Variants in MTAP observed in about 807,000 individuals in gnomAD.
MTAP encodes the protein S-methyl-5'-thioadenosine phosphorylase.
A neutral mutation model predicts 33.6 loss-of-function variants in MTAP; 33 were observed. The ratio of observed to expected loss-of-function variants is 0.98; its 90% CI spans 0.74 to 1.31. The LOEUF (loss-of-function observed/expected upper bound fraction) is 1.31. Among genes scored for constraint, MTAP ranks in the 40% most tolerant of loss-of-function variants. The pLI, the probability that MTAP is intolerant of heterozygous loss-of-function variation, is 0.00. For missense variants in MTAP, 367 were observed against 360.0 expected, an observed-to-expected ratio of 1.02 and a Z score of -0.16; for synonymous variants, 148 against 125.7, an observed-to-expected ratio of 1.18 and a Z score of -1.19.
At chr9:21,933,895 A>G (rs1819002161), downstream of MTAP, 1 of 152,238 alleles carries the variant, frequency 6.6e-6, no homozygotes, top group Non-Finnish European at 1.5e-5. Context: ...AAGCACTTAT[A>G]CAAATTAAGT....
At chr9:21,888,377 AC>A (rs1818147791) in intron 1 of MTAP, among the ~76,000 whole-genome samples, 1 of 151,828 alleles carries the variant, frequency 6.6e-6, no homozygotes, top group South Asian at 2.1e-4. Flanking sequence ...TTCTTTGTTG[AC>A]TTTTGGTCTT....
chr9:21,854,397 A>G (rs1587249603), intron 5 of MTAP, among the ~76,000 whole-genome samples: 1 of 152,214 alleles, frequency 6.6e-6, no homozygotes. Context: ...TTGTGTAGCT[A>G]TTAGTTTCTA....
intron 6 of MTAP, among the ~76,000 whole-genome samples, chr9:21,857,737 C>T (rs1825672041): frequency 6.6e-6 from 1 of 152,196 alleles, no homozygotes; most frequent in Non-Finnish European, 1.5e-5. Context: ...AACATGAGCA[C>T]ATTATCATTT....
intron 6 of MTAP, among the ~76,000 whole-genome samples, chr9:21,858,286 G>C (rs1359004766): frequency 6.6e-6 from 1 of 152,158 alleles, no homozygotes; most frequent in East Asian, 1.9e-4. Context: ...TTATACATCT[G>C]AGATATTTTC....
At chr9:21,921,614 A>C (rs1587299404) in intron 1 of MTAP, among the ~76,000 whole-genome samples, 1 of 152,308 alleles carries the variant, frequency 6.6e-6, no homozygotes, top group South Asian at 2.1e-4. Context: ...GAACAATGGA[A>C]TGTAGATTTT....
At chr9:21,901,062 A>C (rs1287908389) in intron 1 of MTAP, among the ~76,000 whole-genome samples, 1 of 152,218 alleles carries the variant, frequency 6.6e-6, no homozygotes, top group African/African-American at 2.4e-5. Flanking sequence ...ACTACCTCTT[A>C]GGTACTATGC....
chr9:21,805,635 G>A (rs1234703190), intron 1 of MTAP, among the ~76,000 whole-genome samples: 1 of 152,170 alleles, frequency 6.6e-6, no homozygotes, highest in Non-Finnish European at 1.5e-5. Flanking sequence ...TCATAAAGGT[G>A]GAGCCCTCAT....
downstream of MTAP, chr9:21,931,476 C>G (rs1259667517): frequency 6.8e-6 from 2 of 292,614 alleles, no homozygotes; most frequent in Non-Finnish European, 1.3e-5. Flanking sequence ...AGACAATCTC[C>G]CAATAGATAG....
At chr9:21,858,342 A>G (rs1388262254) in intron 6 of MTAP, among the ~76,000 whole-genome samples, 2 of 152,198 alleles carry the variant, frequency 1.3e-5, no homozygotes, top group Admixed American at 6.5e-5. Flanking sequence ...TCACATTGCT[A>G]TGGAGAAATA....
rs969614196 is a variant in MTAP, at chr9:21,863,603, A to G, written c.*1589A>G. ...GTGCCACTGCACTCCAGCCTGGGCA[A>G]CAGAGTAAGACTCAGTCTCAAAAAA... is the stretch of plus-strand genomic sequence containing the variant. On this transcript the variant is annotated 3_prime_UTR_variant, in exon 8 of 8. Coordinates refer to ENST00000644715, the MANE Select transcript of MTAP (RefSeq NM_002451.4). 3 of 974,244 alleles carry G rather than the reference A, an allele frequency of 3.1e-6. No individual in the cohort carries two copies. The highest frequency in any genetic ancestry group is 3.6e-5 in the African/African-American group (2 of 54,864). The allele number at this position is 974,244 out of a possible 1,614,324, so 60.3% of individuals were successfully genotyped here.
intron 1 of MTAP, among the ~76,000 whole-genome samples, chr9:21,884,373 A>G (rs923075549): frequency 6.6e-6 from 1 of 152,250 alleles, no homozygotes; most frequent in Non-Finnish European, 1.5e-5. Flanking sequence ...AATAACATCA[A>G]TTAAAATCAA....
intron 1 of MTAP, among the ~76,000 whole-genome samples, chr9:21,907,959 G>A (rs1350671116): frequency 6.6e-6 from 1 of 151,722 alleles, no homozygotes; most frequent in East Asian, 1.9e-4. Context: ...AAAAACTATA[G>A]TACATTCAAT....
intron 1 of MTAP, among the ~76,000 whole-genome samples, chr9:21,888,138 C>G (rs763255391): frequency 6.6e-6 from 1 of 151,952 alleles, no homozygotes; most frequent in Non-Finnish European, 1.5e-5. Context: ...TTTGAGGATT[C>G]CTTTTGGAGT....
chr9:21,865,439 T>A lies in MTAP; in HGVS notation c.*3425T>A. ...TTACAGCAGCATGAGAATGGACTAA[T>A]ACACTCCTCAAATGTTTTGAAGATT... is the stretch of plus-strand genomic sequence containing the variant. On this transcript the variant is annotated 3_prime_UTR_variant, in exon 8 of 8. Transcript: ENST00000644715. 2.0e-6 allele frequency: 2 copies of A among 985,380 alleles called. No individual in the cohort carries two copies. The highest frequency in any genetic ancestry group is 2.4e-6 in the Non-Finnish European group (2 of 829,844). 61.0% of individuals were successfully genotyped at this position (985,380 alleles called of 1,614,324 possible).
intron 1 of MTAP, among the ~76,000 whole-genome samples, chr9:21,915,713 A>G (rs1818677472): frequency 6.6e-6 from 1 of 152,118 alleles, no homozygotes; most frequent in African/African-American, 2.4e-5. Context: ...TGTTGAGAAT[A>G]TACTGTAAGA....
intron 4 of MTAP, among the ~76,000 whole-genome samples, chr9:21,821,430 T>C (rs1587210142): frequency 1.3e-5 from 2 of 152,348 alleles, no homozygotes; most frequent in South Asian, 2.1e-4. Context: ...ATTATGTTTA[T>C]TGATTTGCGT....
At chr9:21,936,093 T>C (rs1819038323), downstream of MTAP, 1 of 152,262 alleles carries the variant, frequency 6.6e-6, no homozygotes, top group South Asian at 2.1e-4. Context: ...CTTCTTGTGC[T>C]GATCTAAAGA....
intron 1 of MTAP, among the ~76,000 whole-genome samples, chr9:21,878,637 C>A: frequency 6.6e-6 from 1 of 152,158 alleles, no homozygotes; most frequent in Non-Finnish European, 1.5e-5. Flanking sequence ...GCTGGGATTA[C>A]AGGCATGAGC....
intron 1 of MTAP, among the ~76,000 whole-genome samples, chr9:21,917,932 CTT>C (rs1818716863): frequency 6.6e-6 from 1 of 152,170 alleles, no homozygotes; most frequent in African/African-American, 2.4e-5. Context: ...ATAATAATGT[CTT>C]TTGCGGCAAC....
Sources: allele counts gnomAD v4.1 joint callset (sites outside exome capture counted in the v4.1 genomes callset), GRCh38; gene constraint gnomAD v4.1.1; transcripts MANE v1.5; gene names NCBI Gene and HGNC (gene_info 2026-07-23, HGNC 2026-07-21).